The following MEAF6 variants were observed in gnomAD, a reference collection of about 807,000 sequenced individuals.
MEAF6 encodes chromatin modification-related protein MEAF6.
A neutral mutation model predicts 28.9 loss-of-function variants in MEAF6; 15 were observed. The observed-to-expected ratio is 0.52, with a 90% CI of 0.35 to 0.80. The LOEUF (loss-of-function observed/expected upper bound fraction) is 0.80. Among genes scored for constraint, MEAF6 ranks in the 30% least tolerant of loss-of-function variants. The pLI, the probability that MEAF6 is intolerant of heterozygous loss-of-function variation, is 0.01. For missense variants in MEAF6, 178 were observed against 237.5 expected, an observed-to-expected ratio of 0.75 and a Z score of 1.65; for synonymous variants, 97 against 88.7, an observed-to-expected ratio of 1.09 and a Z score of -0.53.
At position 37,493,436 on chromosome 1, in the gene MEAF6, T is replaced by C. The variant is rs957218524; in HGVS notation, c.*663A>G. On this transcript the variant is annotated 3_prime_UTR_variant, in exon 7 of 7. Transcript: ENST00000296214. ...TGAATCTACTACCAACTCAGAAAGA[T>C]TTAAGATAGGTAATTACTAAACACT... 6.7e-6 allele frequency: 2 copies of C among 296,590 alleles called. No homozygotes were observed. Among genetic ancestry groups the C allele is most frequent in the Non-Finnish European group, 1.2e-5 (2 of 162,202 alleles). 18.4% of individuals were successfully genotyped at this position (296,590 alleles called of 1,614,324 possible). A position where few individuals can be genotyped will look rare whatever the true frequency, so the allele number is the denominator to read the frequency against.
intron 4 of MEAF6, among the ~76,000 whole-genome samples, chr1:37,507,551 G>A (rs534366618): frequency 1.3e-5 from 2 of 151,926 alleles, no homozygotes; most frequent in African/African-American, 2.4e-5. Flanking sequence ...AGTCAAAGAC[G>A]TCTACAGAGT....
intron 4 of MEAF6, among the ~76,000 whole-genome samples, chr1:37,508,911 A>T (rs945648550): frequency 6.6e-6 from 1 of 152,234 alleles, no homozygotes; most frequent in African/African-American, 2.4e-5. Context: ...AGCCTGGGCA[A>T]CATAGTGAGA....
intron 5 of MEAF6, 80 bp from the exon 6 acceptor site, chr1:37,495,998 A>G: frequency 8.8e-7 from 1 of 1,132,138 alleles, no homozygotes; most frequent in Non-Finnish European, 1.3e-6. Context: ...CATAGGGCAT[A>G]AGCTATAACA....
rs578261348 is a variant in MEAF6, at chr1:37,493,965, C to A, written c.*134G>T. Reference sequence around the variant, plus strand: ...GTCACCACATTTAGAACAAACTACTCAAAGTCACAGGCACTGGGTCTGGGA... The same window carrying A: ...GTCACCACATTTAGAACAAACTACTAAAAGTCACAGGCACTGGGTCTGGGA... On this transcript the variant is annotated 3_prime_UTR_variant, in exon 7 of 7. Transcript: ENST00000296214. 4 of 1,574,214 alleles carry A rather than the reference C, an allele frequency of 2.5e-6. No individual in the cohort carries two copies. In the African/African-American group the frequency reaches 4.1e-5, roughly 16 times the overall value.
chr1:37,496,698 C>T (rs780874238), intron 5 of MEAF6: 3 of 1,596,166 alleles, frequency 1.9e-6, no homozygotes, highest in Non-Finnish European at 2.6e-6. Flanking sequence ...TAATTCAAAT[C>T]AAACTTACTC....
At chr1:37,494,726 G>A (rs1398727368) in intron 6 of MEAF6, among the ~76,000 whole-genome samples, 5 of 151,542 alleles carry the variant, frequency 3.3e-5, no homozygotes, top group Non-Finnish European at 4.4e-5. Context: ...AGCTACCCAG[G>A]AGTCTGAGGT....
rs1265942904 is a variant in MEAF6, at chr1:37,494,008, C to T, written c.*91G>A. 1.3e-6 allele frequency: 2 copies of T among 1,589,216 alleles called. No homozygotes were observed. Among genetic ancestry groups the T allele is most frequent in the Non-Finnish European group, 1.7e-6 (2 of 1,171,802 alleles). On this transcript the variant is annotated 3_prime_UTR_variant, in exon 7 of 7. Coordinates refer to ENST00000296214, the MANE Select transcript of MEAF6 (RefSeq NM_001270875.3). ...GTCTGGGAGAGCAGAGGTGGATGGC[C>T]ACGAACTCAGGTGAAGGATGTTTAT...
chr1:37,507,734 A>G (rs1642532153), intron 4 of MEAF6, among the ~76,000 whole-genome samples: 1 of 152,024 alleles, frequency 6.6e-6, no homozygotes, highest in Admixed American at 6.6e-5. Flanking sequence ...TAATCCCAGC[A>G]CTTTGGGAGG....
rs199601479 is a variant in MEAF6, at chr1:37,506,538, CTTTTG to C, written c.340+2735_340+2739del. ...AGGTGTGTGCCACCACGTCCAGCTACTTTTGTTTTGTTTTGTTTTGTTTTTGGTAG... is the reference window on the plus strand; with the variant it reads ...AGGTGTGTGCCACCACGTCCAGCTACTTTTGTTTTGTTTTGTTTTTGGTAG... On this transcript the variant is annotated intron_variant, in intron 4 of 6. Coordinates refer to ENST00000296214, the MANE Select transcript of MEAF6 (RefSeq NM_001270875.3). Among the ~76,000 whole-genome samples the C allele has an allele frequency of 5.4e-3, 821 of 152,106 alleles. 8 individuals are homozygous for C. Among genetic ancestry groups the C allele is most frequent in the African/African-American group, 0.018 (748 of 41,494 alleles).
intron 5 of MEAF6, among the ~76,000 whole-genome samples, chr1:37,498,640 C>T (rs948080159): frequency 1.3e-5 from 2 of 151,560 alleles, no homozygotes; most frequent in Non-Finnish European, 2.9e-5. Flanking sequence ...ATGTTGCCCC[C>T]GGCTGGTCTC....
chr1:37,511,269 G>T (rs1642661523), intron 2 of MEAF6, among the ~76,000 whole-genome samples: 1 of 152,148 alleles, frequency 6.6e-6, no homozygotes, highest in East Asian at 1.9e-4. Context: ...AGCTTGAGGA[G>T]GCTCCCTCTG....
At chr1:37,512,818 G>A (rs1642711313) in intron 2 of MEAF6, among the ~76,000 whole-genome samples, 1 of 152,180 alleles carries the variant, frequency 6.6e-6, no homozygotes, top group Non-Finnish European at 1.5e-5. Flanking sequence ...CTTCAGCCCA[G>A]GAGTCTGAGG....
chr1:37,502,066 G>T, intron 4 of MEAF6, 70 bp from the exon 5 acceptor site: 3 of 1,329,838 alleles, frequency 2.3e-6, no homozygotes, highest in Non-Finnish European at 3.1e-6. Flanking sequence ...CCATCAACAT[G>T]AACACTAATA....
intron 4 of MEAF6, 125 bp downstream of exon 4, chr1:37,509,153 G>C: frequency 1.1e-6 from 1 of 904,738 alleles, no homozygotes; most frequent in Non-Finnish European, 1.7e-6. Flanking sequence ...AAACTTCCAG[G>C]AAGAAGAGGG....
At chr1:37,494,589 G>A (rs1249059566) in intron 6 of MEAF6, among the ~76,000 whole-genome samples, 3 of 150,966 alleles carry the variant, frequency 2.0e-5, no homozygotes, top group Admixed American at 2.0e-4. Flanking sequence ...CCAGCACTTA[G>A]GGAGGCCCAG....
chr1:37,498,002 G>T (rs902021253), intron 5 of MEAF6, among the ~76,000 whole-genome samples: 4 of 152,192 alleles, frequency 2.6e-5, no homozygotes, highest in Non-Finnish European at 5.9e-5. Flanking sequence ...ATCACCACTA[G>T]CAGGCCATGA....
intron 5 of MEAF6, among the ~76,000 whole-genome samples, chr1:37,497,965 G>A (rs760363754): frequency 2.0e-5 from 3 of 152,188 alleles, no homozygotes; most frequent in Non-Finnish European, 4.4e-5. Context: ...GGAAGGAGCA[G>A]TACAGAGAAG....
rs1252854871 is a variant in MEAF6 at position 37,492,519 on chromosome 1, C to G, written c.*1580G>C. On this transcript the variant is annotated 3_prime_UTR_variant, in exon 7 of 7. Coordinates refer to ENST00000296214, the MANE Select transcript of MEAF6 (RefSeq NM_001270875.3). Reference sequence around the variant, plus strand: ...CCTTAAAAATCCTGACACTGGAGTTCTGCTACCAAAGACACAGTCAAAGAT... The same window carrying G: ...CCTTAAAAATCCTGACACTGGAGTTGTGCTACCAAAGACACAGTCAAAGAT... 7.5e-6 allele frequency: 1 copy of G among 132,708 alleles called. No individual in the cohort carries two copies. Among genetic ancestry groups the G allele is most frequent in the African/African-American group, 2.8e-5 (1 of 35,712 alleles). The allele number at this position is 132,708 out of a possible 1,614,324, so 8.2% of individuals were successfully genotyped here.
At chr1:37,506,038 C>T (rs1642469753) in intron 4 of MEAF6, among the ~76,000 whole-genome samples, 2 of 152,132 alleles carry the variant, frequency 1.3e-5, no homozygotes, top group Admixed American at 1.3e-4. Context: ...TTTGGGAGGC[C>T]AAGGTGGGCG....
Sources: gnomAD v4.1 joint callset for allele counts (sites outside exome capture counted in the v4.1 genomes callset) on GRCh38, gnomAD v4.1.1 for gene constraint, MANE v1.5 for transcripts, NCBI Gene and HGNC (gene_info 2026-07-23, HGNC 2026-07-21) for gene names.